The following MSH3 variants were observed in gnomAD, a reference collection of about 807,000 sequenced individuals.
MSH3 encodes DNA mismatch repair protein Msh3.
A neutral mutation model predicts 123.3 loss-of-function variants in MSH3; 106 were observed. The ratio of observed to expected loss-of-function variants is 0.86; its 90% CI spans 0.73 to 1.01. MSH3 has a LOEUF of 1.01. MSH3 is among the 50% of genes least tolerant of loss of function. MSH3 has a pLI of 0.00. For synonymous variants in MSH3, 515 were observed against 481.4 expected (o/e 1.07, Z -0.91); for missense variants, 1,459 against 1,347.6 (o/e 1.08, Z -1.29).
intron 15 of MSH3, among the ~76,000 whole-genome samples, chr5:80,773,201 T>C (rs909856063): frequency 1.3e-5 from 2 of 152,244 alleles, no homozygotes; most frequent in Non-Finnish European, 2.9e-5. Context: ...TCCTGAATTT[T>C]GCTGTTTGCC....
intron 8 of MSH3, among the ~76,000 whole-genome samples, chr5:80,691,959 AT>A (rs869048617): frequency 0.045 from 2,027 of 45,146 alleles, 330 homozygotes; most frequent in East Asian, 0.17. Flanking sequence ...ATAGATAAAC[AT>A]GTATATGTTT....
At chr5:80,664,012 C>T (rs1749507947) in intron 2 of MSH3, among the ~76,000 whole-genome samples, 1 of 152,142 alleles carries the variant, frequency 6.6e-6, no homozygotes, top group African/African-American at 2.4e-5. Context: ...TAGTAGTGCT[C>T]TAAACGGTGA....
At chr5:80,684,926 T>G (rs555709057) in intron 8 of MSH3, among the ~76,000 whole-genome samples, 96 of 151,200 alleles carry the variant, frequency 6.3e-4, no homozygotes, top group African/African-American at 2.3e-3. Context: ...TGATTATGTG[T>G]TTTTTTTTCT....
intron 12 of MSH3, among the ~76,000 whole-genome samples, chr5:80,755,139 C>T (rs187704183): frequency 2.4e-4 from 37 of 152,248 alleles, no homozygotes; most frequent in Admixed American, 2.1e-3. Flanking sequence ...TGGGACTGAC[C>T]TGGTGCCCCT....
intron 8 of MSH3, among the ~76,000 whole-genome samples, chr5:80,713,147 G>A (rs966425326): frequency 2.0e-5 from 3 of 152,136 alleles, no homozygotes; most frequent in African/African-American, 7.2e-5. Flanking sequence ...TTGGTAAGCT[G>A]ACATTTGTTT....
intron 2 of MSH3, among the ~76,000 whole-genome samples, chr5:80,661,312 G>A (rs1184523986): frequency 1.3e-5 from 2 of 152,108 alleles, no homozygotes; most frequent in Non-Finnish European, 2.9e-5. Context: ...TATCTGTTAA[G>A]TCATTGAGGC....
Position 80,654,889 on chromosome 5 carries a change from T to C in MSH3, c.162T>C (p.Ala54=), listed in dbSNP as rs2405875. Residue 54 remains alanine (A), a synonymous_variant, in exon 1 of 24, where the codon GCT becomes GCC. Transcript: ENST00000265081. ...AGGTGGACCCTGGCGCTGCAGCGGC[T>C]GCAGCGGCCGCAGCGGCCGCAGCGC... ...ADQVDPGAAA[A]AAAAAAAAPP... is the part of the protein sequence containing the mutation. 12,060 of 823,500 alleles carry C rather than the reference T, an allele frequency of 0.015. 100 individuals are homozygous for C. The highest frequency in any genetic ancestry group is 0.055 in the Middle Eastern group (116 of 2,112). The allele number at this position is 823,500 out of a possible 1,614,324, so 51.0% of individuals were successfully genotyped here.
chr5:80,787,510 A>G (rs1367807385), intron 17 of MSH3, 55 bp from the exon 18 acceptor site: 1 of 1,096,614 alleles, frequency 9.1e-7, no homozygotes. Flanking sequence ...TAGAGCTATT[A>G]TAGGTTTAAG....
At chr5:80,800,519 A>G (rs1325123847) in intron 19 of MSH3, among the ~76,000 whole-genome samples, 2 of 152,232 alleles carry the variant, frequency 1.3e-5, no homozygotes, top group African/African-American at 4.8e-5. Context: ...AATACGCACG[A>G]TCTTTCTAAA....
intron 15 of MSH3, among the ~76,000 whole-genome samples, chr5:80,772,384 G>T (rs554165579): frequency 1.3e-5 from 2 of 152,198 alleles, no homozygotes; most frequent in Non-Finnish European, 2.9e-5. Flanking sequence ...TGGGTTAAGT[G>T]TGGTGCTGGA....
chr5:80,785,405 AG>A (rs1744487976), intron 17 of MSH3, among the ~76,000 whole-genome samples: 1 of 152,190 alleles, frequency 6.6e-6, no homozygotes, highest in Admixed American at 6.5e-5. Context: ...AACCACAATG[AG>A]ATACCATCTC....
intron 4 of MSH3, among the ~76,000 whole-genome samples, chr5:80,670,984 G>T (rs952343969): frequency 5.3e-5 from 8 of 152,068 alleles, no homozygotes; most frequent in Non-Finnish European, 1.5e-5. Flanking sequence ...TTAGCCCGGT[G>T]TGGTGGTGCA....
At chr5:80,690,233 T>C (rs1750197326) in intron 8 of MSH3, among the ~76,000 whole-genome samples, 1 of 152,148 alleles carries the variant, frequency 6.6e-6, no homozygotes, top group Non-Finnish European at 1.5e-5. Context: ...CCAGTCTTTT[T>C]CTTTCTTCAA....
intron 20 of MSH3, among the ~76,000 whole-genome samples, chr5:80,830,425 G>A (rs1162171205): frequency 6.6e-6 from 1 of 152,150 alleles, no homozygotes; most frequent in Non-Finnish European, 1.5e-5. Flanking sequence ...GAGAGATTTT[G>A]TTTTGCATGA....
At chr5:80,687,930 AATAG>A (rs760643927) in intron 8 of MSH3, among the ~76,000 whole-genome samples, 4 of 152,134 alleles carry the variant, frequency 2.6e-5, no homozygotes, top group Non-Finnish European at 5.9e-5. Context: ...AATAGTTGGG[AATAG>A]GAGCAAGAAT....
chr5:80,855,968 C>T (rs915151215), intron 21 of MSH3: 22 of 150,442 alleles, frequency 1.5e-4, no homozygotes, highest in African/African-American at 3.9e-4. Context: ...ACTGCAGCCT[C>T]GACCTACCTG....
intron 20 of MSH3, among the ~76,000 whole-genome samples, chr5:80,816,263 T>C (rs1345292400): frequency 1.4e-5 from 2 of 142,740 alleles, no homozygotes; most frequent in African/African-American, 2.6e-5. Context: ...ATGAAGGCTA[T>C]ATGCAAGATG....
intron 20 of MSH3, among the ~76,000 whole-genome samples, chr5:80,817,420 A>C (rs928927363): frequency 2.0e-5 from 3 of 152,176 alleles, no homozygotes; most frequent in African/African-American, 7.2e-5. Context: ...GGGTTAGTAC[A>C]GGTGATACTG....
chr5:80,824,389 C>T (rs575165577), intron 20 of MSH3, among the ~76,000 whole-genome samples: 139 of 148,126 alleles, frequency 9.4e-4, no homozygotes, highest in African/African-American at 3.2e-3. Flanking sequence ...CCCTCCAGGA[C>T]GGGGGCTGCC....
Sources: allele counts gnomAD v4.1 joint callset (sites outside exome capture counted in the v4.1 genomes callset), GRCh38; gene constraint gnomAD v4.1.1; transcripts MANE v1.5; gene names NCBI Gene and HGNC (gene_info 2026-07-23, HGNC 2026-07-21).